Variants in PRKG1 observed in about 807,000 individuals in gnomAD.
PRKG1 encodes the protein protein kinase cGMP-dependent 1.
Under a neutral mutation model 88.1 loss-of-function variants are expected in PRKG1, and 35 were observed. The ratio of observed to expected loss-of-function variants is 0.40; its 90% CI spans 0.30 to 0.53. PRKG1 has a LOEUF of 0.53. Among genes scored for constraint, PRKG1 ranks in the 20% least tolerant of loss-of-function variants. The pLI is 0.59. For missense variants in PRKG1, 540 were observed against 839.8 expected (o/e 0.64, Z 4.41); for synonymous variants, 303 against 292.5 (o/e 1.04, Z -0.37).
At chr10:51,070,524 T>A (rs1328535091), upstream of PRKG1, among the ~76,000 whole-genome samples, 1 of 152,128 alleles carries the variant, frequency 6.6e-6, no homozygotes, top group East Asian at 1.9e-4. Context: ...CAGAAGAAAA[T>A]TTCAAAACTT....
upstream of PRKG1, chr10:51,074,238 C>G: frequency 4.5e-6 from 1 of 221,448 alleles, no homozygotes; most frequent in Non-Finnish European, 8.9e-6. Flanking sequence ...TGCCTCGGAG[C>G]CCCCATTCAC....
At chr10:52,153,730 T>TTTTA (rs1353574326) in intron 8 of PRKG1, among the ~76,000 whole-genome samples, 2 of 152,112 alleles carry the variant, frequency 1.3e-5, no homozygotes, top group Admixed American at 1.3e-4. Context: ...AAAAATTTAT[T>TTTTA]TTTATTTATT....
At chr10:51,619,344 G>C (rs1839148636) in intron 3 of PRKG1, among the ~76,000 whole-genome samples, 1 of 152,138 alleles carries the variant, frequency 6.6e-6, no homozygotes, top group Non-Finnish European at 1.5e-5. Flanking sequence ...CTAATGCCTT[G>C]ATATTAGCAG....
chr10:51,675,465 C>G (rs1399187315), intron 3 of PRKG1, among the ~76,000 whole-genome samples: 1 of 152,134 alleles, frequency 6.6e-6, no homozygotes, highest in East Asian at 1.9e-4. Context: ...AAAGTTTAAA[C>G]ACCATTAAGT....
chr10:51,908,056 G>A (rs1313635032), intron 5 of PRKG1: 1 of 152,600 alleles, frequency 6.6e-6, no homozygotes, highest in Non-Finnish European at 1.5e-5. Context: ...TTTTGAGAAA[G>A]AGGAGAAACA....
At chr10:51,965,210 T>C (rs1027271834) in intron 5 of PRKG1, among the ~76,000 whole-genome samples, 5 of 152,164 alleles carry the variant, frequency 3.3e-5, no homozygotes, top group Non-Finnish European at 5.9e-5. Context: ...ATTAGTTATT[T>C]TTCCTGATTC....
At chr10:51,501,790 CTTT>C (rs5784871) in intron 3 of PRKG1, among the ~76,000 whole-genome samples, 2,136 of 113,774 alleles carry the variant, frequency 0.019, 21 homozygotes, top group African/African-American at 0.051. Flanking sequence ...ACTTTAGTTT[CTTT>C]TTTTTTTTTT....
At chr10:51,514,726 G>T (rs761842469) in intron 3 of PRKG1, among the ~76,000 whole-genome samples, 1 of 152,180 alleles carries the variant, frequency 6.6e-6, no homozygotes, top group South Asian at 2.1e-4. Context: ...GATGAATCTG[G>T]ACTGTTTCAG....
chr10:51,310,868 T>C (rs574451934), intron 2 of PRKG1, among the ~76,000 whole-genome samples: 1 of 152,334 alleles, frequency 6.6e-6, no homozygotes, highest in African/African-American at 2.4e-5. Flanking sequence ...TTGCACATTT[T>C]GGTTGGTGCT....
At position 51,940,974 on chromosome 10, in the gene PRKG1, G is replaced by C. The variant is rs182638868; in HGVS notation, c.762+33404G>C. ...CACAATCAAAGCTAGATAGAGAAAA[G>C]TATCAACTTACCATTGTAGTAATTC... On this transcript the variant is annotated intron_variant, in intron 5 of 17. Coordinates refer to ENST00000373980, the MANE Select transcript of PRKG1 (RefSeq NM_006258.4). Among the ~76,000 whole-genome samples, 113 of 152,012 alleles carry C rather than the reference G, an allele frequency of 7.4e-4. 2 individuals carry two copies. The highest frequency in any genetic ancestry group is 2.5e-3 in the African/African-American group (102 of 41,378).
At chr10:51,394,773 T>C (rs955239763) in intron 2 of PRKG1, among the ~76,000 whole-genome samples, 1 of 152,200 alleles carries the variant, frequency 6.6e-6, no homozygotes, top group African/African-American at 2.4e-5. Context: ...CATAGAGATA[T>C]GGAGTCAATT....
At position 51,279,526 on chromosome 10, in the gene PRKG1, G is replaced by T. The variant is rs577257443; in HGVS notation, c.478+126196G>T. ...TGTGGGAGTCTAAGTCTCTTTGTAGGTCTCTAAGGACTTGCTTTATGAATC... is the reference window on the plus strand; with the variant it reads ...TGTGGGAGTCTAAGTCTCTTTGTAGTTCTCTAAGGACTTGCTTTATGAATC... On this transcript the variant is annotated intron_variant, in intron 2 of 17. Coordinates refer to ENST00000373980, the MANE Select transcript of PRKG1 (RefSeq NM_006258.4). Among the ~76,000 whole-genome samples the T allele has an allele frequency of 6.6e-5, 10 of 152,258 alleles. No homozygotes were observed. In the East Asian group the frequency reaches 1.9e-3, roughly 29 times the overall value.
chr10:51,689,083 C>T (rs186894151), intron 3 of PRKG1, among the ~76,000 whole-genome samples: 16 of 152,272 alleles, frequency 1.1e-4, no homozygotes, highest in Non-Finnish European at 1.6e-4. Context: ...CCTTGCATTC[C>T]GCCATGCTTG....
At chr10:51,877,472 A>G (rs1334304224) in intron 4 of PRKG1, among the ~76,000 whole-genome samples, 1 of 152,082 alleles carries the variant, frequency 6.6e-6, no homozygotes, top group African/African-American at 2.4e-5. Context: ...GTTGAGCAGC[A>G]TTTTTCTGAC....
chr10:51,552,517 G>C (rs1837164285), intron 3 of PRKG1, among the ~76,000 whole-genome samples: 1 of 151,432 alleles, frequency 6.6e-6, no homozygotes, highest in Admixed American at 6.6e-5. Flanking sequence ...ATTCAATCCA[G>C]ATAACCATAG....
At chr10:51,811,564 T>G (rs1409238803) in intron 4 of PRKG1, among the ~76,000 whole-genome samples, 1 of 152,184 alleles carries the variant, frequency 6.6e-6, no homozygotes, top group Admixed American at 6.5e-5. Flanking sequence ...CCTAGATCAG[T>G]GAGGAGAGCT....
intron 9 of PRKG1, among the ~76,000 whole-genome samples, chr10:52,193,576 C>CCA (rs1554816006): frequency 0.017 from 1,009 of 60,516 alleles, 14 homozygotes; most frequent in Non-Finnish European, 0.033. Context: ...AAAAAAAAAA[C>CCA]AAAAAAAAAA....
chr10:51,018,149 T>C (rs1431093395), intron 1 of PRKG1, among the ~76,000 whole-genome samples: 1 of 152,174 alleles, frequency 6.6e-6, no homozygotes, highest in Non-Finnish European at 1.5e-5. Context: ...TATTAATTAA[T>C]TTAATCTTCC....
chr10:51,049,483 C>G lies in PRKG1; in HGVS notation c.266+57839C>G, dbSNP rs1843534689. On this transcript the variant is annotated intron_variant, in intron 1 of 17. Coordinates refer to the PRKG1 transcript ENST00000401604. Reference sequence around the variant, plus strand: ...CCATTTATGTCACTCTTTTTCATTCCCCTGCTTTTCTGAGAACAATATTCA... The same window carrying G: ...CCATTTATGTCACTCTTTTTCATTCGCCTGCTTTTCTGAGAACAATATTCA... Among the ~76,000 whole-genome samples, 4 of 152,142 alleles carry G rather than the reference C, an allele frequency of 2.6e-5. No homozygotes were observed. The South Asian group carries it at 8.3e-4, about 32-fold the overall frequency.
Sources: allele counts gnomAD v4.1 joint callset (sites outside exome capture counted in the v4.1 genomes callset), GRCh38; gene constraint gnomAD v4.1.1; transcripts MANE v1.5; gene names NCBI Gene and HGNC (gene_info 2026-07-23, HGNC 2026-07-21).